The following TAFA1 variants were observed in gnomAD, a reference collection of about 807,000 sequenced individuals.
TAFA1 encodes TAFA chemokine like family member 1, also known as chemokine-like protein TAFA-1.
Under a neutral mutation model 18.5 loss-of-function variants are expected in TAFA1, and 4 were observed. The ratio of observed to expected loss-of-function variants is 0.22; its 90% confidence interval spans 0.11 to 0.49. The LOEUF (loss-of-function observed/expected upper bound fraction) is 0.49, where lower values mean the gene tolerates loss of function less well. TAFA1 is among the 20% of genes least tolerant of loss of function. TAFA1 has a pLI of 0.98. For synonymous variants in TAFA1, 56 were observed against 55.2 expected, an observed-to-expected ratio of 1.01 and a Z score of -0.06; for missense variants, 147 against 169.0, an observed-to-expected ratio of 0.87 and a Z score of 0.72.
At chr3:68,322,986 A>G (rs1041869041) in intron 2 of TAFA1, among the ~76,000 whole-genome samples, 7 of 152,144 alleles carry the variant, frequency 4.6e-5, no homozygotes, top group Admixed American at 1.3e-4. Flanking sequence ...CACTCCCAGT[A>G]CAGCACACAA....
chr3:68,173,317 C>T (rs561600907), intron 2 of TAFA1, among the ~76,000 whole-genome samples: 2 of 147,500 alleles, frequency 1.4e-5, no homozygotes, highest in South Asian at 4.2e-4. Context: ...CTTAAGAGCC[C>T]TATATAAATA....
chr3:68,162,332 A>T (rs2065934184), intron 2 of TAFA1, among the ~76,000 whole-genome samples: 1 of 152,186 alleles, frequency 6.6e-6, no homozygotes, highest in Non-Finnish European at 1.5e-5. Context: ...TCAGATCATC[A>T]GGCATTAGTT....
At chr3:68,349,280 G>GT (rs1384222182) in intron 2 of TAFA1, among the ~76,000 whole-genome samples, 2 of 151,472 alleles carry the variant, frequency 1.3e-5, no homozygotes, top group Admixed American at 1.3e-4. Context: ...TTTTTTCTTC[G>GT]TTTTCACAAG....
chr3:68,106,542 C>T (rs756073448), intron 2 of TAFA1, among the ~76,000 whole-genome samples: 30 of 151,932 alleles, frequency 2.0e-4, no homozygotes, highest in African/African-American at 3.6e-4. Context: ...AGTAAGGCAA[C>T]GATTTCTTAG....
rs116567386 is a variant in TAFA1, at chr3:68,417,532, T to A, written c.259+112T>A. On this transcript the variant is annotated intron_variant, in intron 3 of 4. Coordinates refer to ENST00000478136, the MANE Select transcript of TAFA1 (RefSeq NM_213609.4). ...GATAATGAACAAGGTGCATCCGAAG[T>A]GTTAGAAAGTTATACAATTGCCAGC... 607 of 1,008,304 alleles carry A rather than the reference T, an allele frequency of 6.0e-4. 1 individual carries two copies. The African/African-American group carries it at 8.6e-3, about 14-fold the overall frequency. 62.5% of individuals were successfully genotyped at this position (1,008,304 alleles called of 1,614,324 possible).
chr3:68,315,313 C>T (rs149126173), intron 2 of TAFA1, among the ~76,000 whole-genome samples: 2,449 of 152,278 alleles, frequency 0.016, 26 homozygotes, highest in Non-Finnish European at 0.024. Context: ...TTGATTCTGT[C>T]ATGTTCAGTT....
At chr3:68,370,417 T>TACAC (rs36170007) in intron 2 of TAFA1, among the ~76,000 whole-genome samples, 67 of 80,254 alleles carry the variant, frequency 8.3e-4, no homozygotes, top group Middle Eastern at 7.7e-3. Context: ...CATATATATG[T>TACAC]ACACACACAC....
At position 68,498,722 on chromosome 3, in the gene TAFA1, C is replaced by CTT. The variant is rs34030223; in HGVS notation, c.260-40000_260-39999dup. 1.3e-3 allele frequency among the ~76,000 whole-genome samples: 128 copies of CTT among 96,970 alleles called. 7 individuals are homozygous for CTT. Among genetic ancestry groups the CTT allele is most frequent in the African/African-American group, 3.4e-3 (72 of 20,872 alleles). The allele number at this position is 96,970 out of a possible 152,430, so 63.6% of individuals were successfully genotyped here. ...AATTCCTCCCAAAGCCGTTTGGTGG[C>CTT]TTTTTTTTTTTTTTTTTTTTTTTTT... is the stretch of plus-strand genomic sequence containing the variant. On this transcript the variant is annotated intron_variant, in intron 3 of 4. Transcript: ENST00000478136.
chr3:68,263,942 A>T lies in TAFA1; in HGVS notation c.119-153338A>T, dbSNP rs1482936872. Among the ~76,000 whole-genome samples the T allele has an allele frequency of 1.1e-4, 16 of 152,212 alleles. 1 individual carries two copies. The highest frequency in any genetic ancestry group is 2.9e-5 in the Non-Finnish European group (2 of 68,042). On this transcript the variant is annotated intron_variant, in intron 2 of 4. Coordinates refer to ENST00000478136, the MANE Select transcript of TAFA1 (RefSeq NM_213609.4). ...TATTTACAAATGAGAATGATTTGCC[A>T]AATAACAGCTATATAGAATTTTATT...
In TAFA1 at chr3:68,196,362, CTGACCAAATGT is replaced by C. The variant is rs540335398; in HGVS notation, c.118+189619_118+189629del. 4.6e-3 allele frequency among the ~76,000 whole-genome samples: 692 copies of C among 151,806 alleles called. 1 individual carries two copies. Among genetic ancestry groups the C allele is most frequent in the Admixed American group, 7.2e-3 (109 of 15,244 alleles). Reference sequence around the variant, plus strand: ...TTTTCTAGATTTTTCTGACCAAATACTGACCAAATGTAGCAATCAATCAATCAATCTATCTA... The same window carrying C: ...TTTTCTAGATTTTTCTGACCAAATACAGCAATCAATCAATCAATCTATCTA... On this transcript the variant is annotated intron_variant, in intron 2 of 4. Coordinates refer to ENST00000478136, the MANE Select transcript of TAFA1 (RefSeq NM_213609.4).
chr3:68,295,464 C>A (rs373726846), intron 2 of TAFA1, among the ~76,000 whole-genome samples: 1 of 151,888 alleles, frequency 6.6e-6, no homozygotes, highest in Non-Finnish European at 1.5e-5. Context: ...TAATTGACAA[C>A]ACAGTCTTAG....
chr3:68,323,625 A>G (rs1257466876), intron 2 of TAFA1, among the ~76,000 whole-genome samples: 1 of 152,130 alleles, frequency 6.6e-6, no homozygotes, highest in Non-Finnish European at 1.5e-5. Context: ...CTGAAAGGGG[A>G]GGAGGAAGAA....
chr3:68,343,944 A>G (rs1278102268), intron 2 of TAFA1, among the ~76,000 whole-genome samples: 1 of 152,148 alleles, frequency 6.6e-6, no homozygotes, highest in Non-Finnish European at 1.5e-5. Flanking sequence ...CCTGGGTTCA[A>G]GCGATTCTTC....
chr3:68,254,155 ATCTG>A (rs200820533), intron 2 of TAFA1, among the ~76,000 whole-genome samples: 4,590 of 118,372 alleles, frequency 0.039, 105 homozygotes, highest in Admixed American at 0.09. Flanking sequence ...CTATCTATCT[ATCTG>A]TCTATCTATC....
chr3:68,446,597 T>C (rs1028859320), intron 3 of TAFA1, among the ~76,000 whole-genome samples: 1 of 152,174 alleles, frequency 6.6e-6, no homozygotes, highest in African/African-American at 2.4e-5. Flanking sequence ...CAGTACCCAG[T>C]TTATTCTAGA....
At chr3:68,226,074 A>G (rs527440606) in intron 2 of TAFA1, among the ~76,000 whole-genome samples, 58 of 152,336 alleles carry the variant, frequency 3.8e-4, no homozygotes, top group African/African-American at 1.4e-3. Flanking sequence ...TTCAGAGTTC[A>G]GTTTACTTGT....
At chr3:68,284,238 G>A (rs1233286734) in intron 2 of TAFA1, among the ~76,000 whole-genome samples, 1 of 152,122 alleles carries the variant, frequency 6.6e-6, no homozygotes, top group African/African-American at 2.4e-5. Context: ...GCTTCTGAAA[G>A]TTGTTGGGTT....
At chr3:68,469,901 A>G (rs576633796) in intron 3 of TAFA1, among the ~76,000 whole-genome samples, 3 of 152,328 alleles carry the variant, frequency 2.0e-5, no homozygotes, top group Admixed American at 6.5e-5. Flanking sequence ...TGAAGGATTG[A>G]ACTTTAAAAG....
At chr3:68,206,368 C>G (rs1348198526) in intron 2 of TAFA1, among the ~76,000 whole-genome samples, 1 of 151,716 alleles carries the variant, frequency 6.6e-6, no homozygotes, top group Non-Finnish European at 1.5e-5. Context: ...TTTCTTTTTT[C>G]TCTCTTTAAT....
Sources: allele counts gnomAD v4.1 joint callset (sites outside exome capture counted in the v4.1 genomes callset), GRCh38; gene constraint gnomAD v4.1.1; transcripts MANE v1.5; gene names NCBI Gene and HGNC (gene_info 2026-07-23, HGNC 2026-07-21).